ASH2L: variants seen among roughly 807,000 people sequenced by gnomAD.
The protein encoded by ASH2L is ASH2 like, histone lysine methyltransferase complex subunit.
ASH2L carries 30 observed loss-of-function variants against 81.1 expected under a neutral mutation model. The observed-to-expected ratio is 0.37, with a 90% confidence interval of 0.28 to 0.50. ASH2L has a LOEUF of 0.50. Among genes scored for constraint, ASH2L ranks in the 20% least tolerant of loss-of-function variants. The probability of loss-of-function intolerance (pLI) is 0.95; values close to 1 mark genes in which losing one functional copy is unlikely to be tolerated. For missense variants in ASH2L, 559 were observed against 792.1 expected (o/e 0.71, Z 3.53); for synonymous variants, 273 against 279.9 (o/e 0.98, Z 0.24).
intron 10 of ASH2L, among the ~76,000 whole-genome samples, chr8:38,121,375 A>G (rs1205353022): frequency 6.2e-5 from 6 of 96,562 alleles, no homozygotes; most frequent in South Asian, 3.6e-4. Context: ...ATATATATAT[A>G]TATGGTTTTT....
chr8:38,126,644 G>C (rs370239133), intron 10 of ASH2L, among the ~76,000 whole-genome samples: 2 of 151,416 alleles, frequency 1.3e-5, no homozygotes, highest in Non-Finnish European at 2.9e-5. Flanking sequence ...CACGAGGTCA[G>C]GAGATCAAGA....
rs1357660186 is a variant in ASH2L at position 38,135,655 on chromosome 8, G to T, written c.1621-13G>T. The T allele has an allele frequency of 1.9e-6, 3 of 1,580,204 alleles. No homozygotes were observed. The highest frequency in any genetic ancestry group is 1.4e-5 in the African/African-American group (1 of 73,954). On this transcript the variant is annotated splice_polypyrimidine_tract_variant and intron_variant, in intron 13 of 15. Transcript: ENST00000343823. The stretch of plus-strand genomic sequence containing the variant: ...TTTACAGTTCTGAAGTAAAACCATG[G>T]TTTTTGTTTCAGATAATATTTTATA...
At position 38,128,838 on chromosome 8, in the gene ASH2L, A is replaced by G. The variant is rs191504963; in HGVS notation, c.1414A>G (p.Ile472Val). ...SKKGTKFHQSIGKHYSSGYGQ... is the reference protein window; with the variant it reads ...SKKGTKFHQSVGKHYSSGYGQ... ...AAAGGGAACCAAGTTCCACCAGTCC[A>G]TTGGCAAACACTACTCTTCTGGCTA... is the stretch of plus-strand genomic sequence containing the variant. Residue 472 changes from isoleucine (I) to valine (V), a missense_variant, in exon 12 of 16, where the codon ATT (isoleucine) becomes GTT (valine). Transcript: ENST00000343823. 7.6e-5 allele frequency: 122 copies of G among 1,614,166 alleles called. 1 individual carries two copies. The highest frequency in any genetic ancestry group is 6.7e-4 in the Admixed American group (40 of 60,006).
chr8:38,106,438 T>TA lies in ASH2L; in HGVS notation c.250dup (p.Thr84AsnfsTer21). 6.2e-7 allele frequency: 1 copy of TA among 1,613,058 alleles called. No homozygotes were observed. The highest frequency in any genetic ancestry group is 8.5e-7 in the Non-Finnish European group (1 of 1,179,162). ...AGACAGAATCATCTAATGGAAAAGA[T>TA]ACACTAGTAAGTATTTTTAGTTGTT... On this transcript the variant is annotated frameshift_variant, in exon 2 of 16. Transcript: ENST00000343823. LOFTEE classifies it high-confidence loss of function.
Position 38,128,437 on chromosome 8 carries a change from C to T in ASH2L, c.1312C>T (p.Leu438=), listed in dbSNP as rs1801942110. 6.2e-7 allele frequency: 1 copy of T among 1,613,988 alleles called. No homozygotes were observed. The highest frequency in any genetic ancestry group is 1.1e-5 in the South Asian group (1 of 91,076). ...GATGCCACCAGATACCGCTGCCAGA[C>T]TGGGTTGGTCCCAGCCCCTAGGTAA... is the stretch of plus-strand genomic sequence containing the variant. ...DEMPPDTAAR[L]GWSQPLGNLQ... Residue 438 remains leucine, a synonymous_variant, in exon 11 of 16, where the codon CTG becomes TTG. Coordinates refer to ENST00000343823, the MANE Select transcript of ASH2L (RefSeq NM_004674.5).
chr8:38,106,253 T>C, intron 1 of ASH2L, 125 bp from the exon 2 acceptor site: 1 of 1,374,444 alleles, frequency 7.3e-7, no homozygotes, highest in Non-Finnish European at 1.0e-6. Context: ...CAGTCTGAGA[T>C]CAGGCTTAGC....
Position 38,106,953 on chromosome 8 carries a change from T to TA in ASH2L, c.256-61dup. On this transcript the variant is annotated intron_variant, in intron 2 of 15. Coordinates refer to ENST00000343823, the MANE Select transcript of ASH2L (RefSeq NM_004674.5). ...GCAACATAGGGAGACCCCCGTCTCT[T>TA]AAAAAAATAAAATAAAGTAAAATAC... is the stretch of plus-strand genomic sequence containing the variant. 5.7e-6 allele frequency: 9 copies of TA among 1,581,358 alleles called. No individual in the cohort carries two copies. In the East Asian group the frequency reaches 9.3e-5, roughly 16 times the overall value.
At chr8:38,129,487 G>A (rs77660336) in intron 12 of ASH2L, among the ~76,000 whole-genome samples, 8 of 152,134 alleles carry the variant, frequency 5.3e-5, no homozygotes, top group East Asian at 3.9e-4. Flanking sequence ...AAAAAGTGCC[G>A]ATAGTCCCAG....
intron 12 of ASH2L, among the ~76,000 whole-genome samples, chr8:38,132,783 A>T (rs1403806492): frequency 7.0e-6 from 1 of 142,128 alleles, no homozygotes; most frequent in African/African-American, 2.6e-5. Flanking sequence ...TGGGTGACAG[A>T]GTGAGACTGT....
intron 8 of ASH2L, among the ~76,000 whole-genome samples, chr8:38,118,744 C>T (rs1368940041): frequency 1.3e-5 from 2 of 152,114 alleles, no homozygotes; most frequent in African/African-American, 4.8e-5. Flanking sequence ...TGTATTTTGT[C>T]TTGTTGGATA....
intron 8 of ASH2L, 42 bp downstream of exon 8, chr8:38,116,767 A>G (rs747544187): frequency 9.7e-6 from 15 of 1,540,098 alleles, no homozygotes; most frequent in African/African-American, 4.1e-5. Flanking sequence ...TTTGGAAGCT[A>G]TTGAATCCAG....
chr8:38,137,020 G>C (rs1386449757), intron 14 of ASH2L, among the ~76,000 whole-genome samples: 1 of 151,662 alleles, frequency 6.6e-6, no homozygotes. Context: ...TTGAACCCGG[G>C]AGATGGAGGC....
intron 8 of ASH2L, chr8:38,119,051 G>A (rs1425191974): frequency 6.5e-6 from 3 of 461,256 alleles, no homozygotes; most frequent in Non-Finnish European, 1.2e-5. Flanking sequence ...CATAGTGCTG[G>A]ATTCATTTGA....
chr8:38,123,053 A>G (rs1563256646), intron 10 of ASH2L, among the ~76,000 whole-genome samples: 1 of 149,308 alleles, frequency 6.7e-6, no homozygotes, highest in Non-Finnish European at 1.5e-5. Flanking sequence ...GCTCATATTT[A>G]ATATGCACAT....
At chr8:38,135,321 T>C (rs892591280) in intron 13 of ASH2L, among the ~76,000 whole-genome samples, 4 of 152,054 alleles carry the variant, frequency 2.6e-5, no homozygotes, top group African/African-American at 9.7e-5. Context: ...TGGTGGTGTA[T>C]GCCTGTAGTC....
chr8:38,116,873 A>G, intron 8 of ASH2L, 148 bp downstream of exon 8: 1 of 666,530 alleles, frequency 1.5e-6, no homozygotes, highest in South Asian at 2.1e-5. Context: ...GGAACTAGCC[A>G]AGGATTTGGC....
At chr8:38,127,449 A>T (rs1801893340) in intron 10 of ASH2L, among the ~76,000 whole-genome samples, 1 of 152,140 alleles carries the variant, frequency 6.6e-6, no homozygotes, top group Non-Finnish European at 1.5e-5. Flanking sequence ...CAGATGTCTT[A>T]AAGTTAATCA....
chr8:38,112,484 C>T (rs1288586683), intron 5 of ASH2L, among the ~76,000 whole-genome samples: 1 of 151,904 alleles, frequency 6.6e-6, no homozygotes, highest in African/African-American at 2.4e-5. Flanking sequence ...GCTGATCTTA[C>T]ACTCCTAGGC....
chr8:38,110,598 T>C lies in ASH2L; in HGVS notation c.490+131T>C, dbSNP rs546332797. On this transcript the variant is annotated intron_variant, in intron 4 of 15. Coordinates refer to ENST00000343823, the MANE Select transcript of ASH2L (RefSeq NM_004674.5). Reference sequence around the variant, plus strand: ...TCAGTTGGGGTTTAGCTCTGAATAATTGCAATTGCCCATTTCAGGTCACAT... The same window carrying C: ...TCAGTTGGGGTTTAGCTCTGAATAACTGCAATTGCCCATTTCAGGTCACAT... 2 of 1,134,162 alleles carry C rather than the reference T, an allele frequency of 1.8e-6. 1 individual carries two copies. The highest frequency in any genetic ancestry group is 4.8e-5 in the East Asian group (2 of 41,422). 70.3% of individuals were successfully genotyped at this position (1,134,162 alleles called of 1,614,324 possible). A position where few individuals can be genotyped will look rare whatever the true frequency, so the allele number is the denominator to read the frequency against.
Sources: allele counts gnomAD v4.1 joint callset (sites outside exome capture counted in the v4.1 genomes callset), GRCh38; gene constraint gnomAD v4.1.1; transcripts MANE v1.5; gene names NCBI Gene and HGNC (gene_info 2026-07-23, HGNC 2026-07-21).